Variants in LRMDA observed in about 807,000 individuals in gnomAD.
LRMDA encodes leucine rich melanocyte differentiation associated, also known as leucine-rich melanocyte differentiation-associated protein.
A neutral mutation model predicts 29.8 loss-of-function variants in LRMDA; 18 were observed. The ratio of observed to expected loss-of-function variants is 0.60; its 90% CI spans 0.42 to 0.90. LRMDA has a LOEUF of 0.90. Ranked by LOEUF, LRMDA falls within the 40% of genes least tolerant of loss-of-function variation. The probability of loss-of-function intolerance (pLI) is 0.00; values close to 1 mark genes in which losing one functional copy is unlikely to be tolerated. For synonymous variants in LRMDA, 125 were observed against 109.4 expected, an observed-to-expected ratio of 1.14 and a Z score of -0.89; for missense variants, 273 against 273.9, an observed-to-expected ratio of 1.00 and a Z score of 0.02.
At chr10:75,698,991 A>G (rs978843767) in intron 2 of LRMDA, among the ~76,000 whole-genome samples, 2 of 152,184 alleles carry the variant, frequency 1.3e-5, no homozygotes, top group African/African-American at 4.8e-5. Context: ...ACCTGAGGTC[A>G]GGAGCTCGAG....
chr10:76,395,068 A>T (rs1841767891), intron 6 of LRMDA, among the ~76,000 whole-genome samples: 1 of 152,216 alleles, frequency 6.6e-6, no homozygotes, highest in Non-Finnish European at 1.5e-5. Context: ...CTTCACTTAA[A>T]GCTAGCACAT....
chr10:76,000,828 T>C (rs184517934), intron 2 of LRMDA, among the ~76,000 whole-genome samples: 49 of 152,228 alleles, frequency 3.2e-4, no homozygotes, highest in African/African-American at 1.2e-3. Flanking sequence ...TTGATGTGAA[T>C]AGGCAGGGAG....
At chr10:75,616,928 A>G (rs1387549928) in intron 2 of LRMDA, among the ~76,000 whole-genome samples, 1 of 152,196 alleles carries the variant, frequency 6.6e-6, no homozygotes, top group Non-Finnish European at 1.5e-5. Context: ...AGTGGTTTCA[A>G]ATAGAAAATG....
intron 6 of LRMDA, among the ~76,000 whole-genome samples, chr10:76,440,308 TA>T (rs1425449542): frequency 1.3e-5 from 2 of 152,184 alleles, no homozygotes; most frequent in African/African-American, 4.8e-5. Flanking sequence ...ACAAATTGAC[TA>T]AACAATCACA....
intron 2 of LRMDA, among the ~76,000 whole-genome samples, chr10:75,483,376 G>A (rs1844874053): frequency 6.6e-6 from 1 of 152,146 alleles, no homozygotes; most frequent in Admixed American, 6.5e-5. Context: ...TGTTGGTTTA[G>A]GAGTTAATTT....
At chr10:76,013,006 G>A (rs1383243167) in intron 2 of LRMDA, among the ~76,000 whole-genome samples, 1 of 152,178 alleles carries the variant, frequency 6.6e-6, no homozygotes, top group African/African-American at 2.4e-5. Flanking sequence ...CTTTGCGGGA[G>A]GGGGAGAAGG....
intron 5 of LRMDA, among the ~76,000 whole-genome samples, chr10:76,068,526 T>A (rs1848823436): frequency 6.6e-6 from 1 of 152,162 alleles, no homozygotes; most frequent in African/African-American, 2.4e-5. Flanking sequence ...ACATGCACAG[T>A]TCACAATAGG....
intron 5 of LRMDA, among the ~76,000 whole-genome samples, chr10:76,127,382 C>A (rs770674803): frequency 1.3e-5 from 2 of 152,182 alleles, no homozygotes; most frequent in Non-Finnish European, 2.9e-5. Context: ...CATCTTCCTG[C>A]GAAATATACT....
chr10:75,818,941 G>A (rs1267059568), intron 2 of LRMDA, among the ~76,000 whole-genome samples: 4 of 152,182 alleles, frequency 2.6e-5, no homozygotes, highest in African/African-American at 7.2e-5. Flanking sequence ...CCAAGACCCC[G>A]TGCCAGGTAC....
At chr10:76,538,098 A>G (rs1355907234) in intron 6 of LRMDA, among the ~76,000 whole-genome samples, 2 of 152,152 alleles carry the variant, frequency 1.3e-5, no homozygotes, top group African/African-American at 4.8e-5. Context: ...TATAGATTTA[A>G]TATACAATTA....
At chr10:76,045,380 T>C (rs541125781) in intron 3 of LRMDA, among the ~76,000 whole-genome samples, 50 of 139,864 alleles carry the variant, frequency 3.6e-4, no homozygotes, top group African/African-American at 1.2e-3. Context: ...GTTAGTTTCC[T>C]TCTCTTGCTA....
intron 2 of LRMDA, among the ~76,000 whole-genome samples, chr10:75,591,139 A>G (rs913905884): frequency 3.3e-5 from 5 of 152,174 alleles, no homozygotes; most frequent in Admixed American, 2.0e-4. Flanking sequence ...CACTTTAGGC[A>G]GGAAGATCGC....
chr10:75,574,928 T>C (rs972886617), intron 2 of LRMDA, among the ~76,000 whole-genome samples: 1 of 152,194 alleles, frequency 6.6e-6, no homozygotes, highest in African/African-American at 2.4e-5. Flanking sequence ...ATTGGCTCAC[T>C]AATCACTGTT....
At chr10:76,532,740 A>G (rs556126659) in intron 6 of LRMDA, among the ~76,000 whole-genome samples, 292 of 152,354 alleles carry the variant, frequency 1.9e-3, no homozygotes, top group African/African-American at 6.9e-3. Flanking sequence ...CATGTGAATC[A>G]TCATGGGAGG....
At chr10:76,129,274 C>T (rs207471150) in intron 5 of LRMDA, among the ~76,000 whole-genome samples, 3 of 152,192 alleles carry the variant, frequency 2.0e-5, no homozygotes, top group South Asian at 2.1e-4. Flanking sequence ...CATTGGTGCT[C>T]CTCCATCCTG....
chr10:75,797,959 C>G (rs943071469), intron 2 of LRMDA, among the ~76,000 whole-genome samples: 1 of 152,164 alleles, frequency 6.6e-6, no homozygotes, highest in East Asian at 1.9e-4. Context: ...TCCAATTTCT[C>G]TACATCCCCC....
intron 2 of LRMDA, among the ~76,000 whole-genome samples, chr10:75,857,731 A>G (rs1055471834): frequency 2.6e-5 from 4 of 152,234 alleles, no homozygotes; most frequent in African/African-American, 7.2e-5. Context: ...AGGGCAAATC[A>G]TGTTTTTCTT....
In LRMDA at chr10:76,557,607, T is replaced by C. The variant is rs1843574724; in HGVS notation, c.*319T>C. On this transcript the variant is annotated 3_prime_UTR_variant, in exon 7 of 7. Transcript: ENST00000611255. ...ATAGATTGCCTGGTCCTGCCACTGC[T>C]CACAGGGGAGCAGAGGTCACACCTG... The C allele has an allele frequency of 2.7e-6, 1 of 369,746 alleles. No individual in the cohort carries two copies. Among genetic ancestry groups the C allele is most frequent in the Non-Finnish European group, 5.0e-6 (1 of 200,984 alleles). The allele number at this position is 369,746 out of a possible 1,614,324, so 22.9% of individuals were successfully genotyped here. A position where few individuals can be genotyped will look rare whatever the true frequency, so the allele number is the denominator to read the frequency against.
chr10:76,311,820 C>A (rs1028926934), intron 5 of LRMDA, among the ~76,000 whole-genome samples: 1 of 152,134 alleles, frequency 6.6e-6, no homozygotes, highest in African/African-American at 2.4e-5. Context: ...AGAAGCTAAG[C>A]AAAATAGCCA....
Sources: gnomAD v4.1 joint callset for allele counts (sites outside exome capture counted in the v4.1 genomes callset) on GRCh38, gnomAD v4.1.1 for gene constraint, MANE v1.5 for transcripts, NCBI Gene and HGNC (gene_info 2026-07-23, HGNC 2026-07-21) for gene names.